OTUD7B: variants seen among roughly 807,000 people sequenced by gnomAD.
OTUD7B encodes OTU deubiquitinase 7B.
Under a neutral mutation model 82.2 loss-of-function variants are expected in OTUD7B, and 34 were observed. The ratio of observed to expected loss-of-function variants is 0.41; its 90% CI spans 0.31 to 0.55. The LOEUF (loss-of-function observed/expected upper bound fraction) is 0.55, where lower values mean the gene tolerates loss of function less well. OTUD7B is among the 20% of genes least tolerant of loss of function. OTUD7B has a pLI of 0.20. For missense variants in OTUD7B, 944 were observed against 1,062.1 expected (o/e 0.89, Z 1.55); for synonymous variants, 398 against 402.7 (o/e 0.99, Z 0.14).
At chr1:149,982,135 C>T (rs587726200) in intron 1 of OTUD7B, among the ~76,000 whole-genome samples, 2 of 151,534 alleles carry the variant, frequency 1.3e-5, no homozygotes, top group South Asian at 2.1e-4. Flanking sequence ...GGCGACAGAG[C>T]GAGACTCCAT....
At chr1:150,019,582 G>A in the OTUD7B span, among the ~76,000 whole-genome samples, 3 of 152,106 alleles carry the variant, frequency 2.0e-5, no homozygotes, top group Non-Finnish European at 4.4e-5. Flanking sequence ...GGCCAGGTTG[G>A]CCTCGAACTC....
At chr1:150,067,459 C>T in the OTUD7B span, 3 of 198,206 alleles carry the variant, frequency 1.5e-5, no homozygotes, top group Admixed American at 1.2e-4. Context: ...AGCCACACTC[C>T]GTCGTTCCTG....
At chr1:149,948,432 C>T (rs933503878) in intron 10 of OTUD7B, among the ~76,000 whole-genome samples, 14 of 144,914 alleles carry the variant, frequency 9.7e-5, no homozygotes, top group African/African-American at 3.6e-4. Context: ...AGTGCAGTGG[C>T]ACGATGTCGG....
intron 7 of OTUD7B, among the ~76,000 whole-genome samples, chr1:149,958,248 A>T (rs1172489968): frequency 6.6e-6 from 1 of 151,756 alleles, no homozygotes; most frequent in Non-Finnish European, 1.5e-5. Flanking sequence ...TTTTGAAGCA[A>T]ATCCTGGACA....
the OTUD7B span, among the ~76,000 whole-genome samples, chr1:150,059,514 C>A: frequency 1.3e-3 from 193 of 152,006 alleles, 2 homozygotes; most frequent in Non-Finnish European, 1.7e-3. Context: ...GGATTACAGG[C>A]ATGCGCCATC....
the OTUD7B span, among the ~76,000 whole-genome samples, chr1:150,065,568 C>G: frequency 6.6e-6 from 1 of 152,060 alleles, no homozygotes; most frequent in African/African-American, 2.4e-5. Flanking sequence ...TACTTATACC[C>G]TAAATTAAAA....
intron 8 of OTUD7B, 39 bp from the exon 9 acceptor site, chr1:149,949,817 T>C: frequency 6.3e-7 from 1 of 1,593,112 alleles, no homozygotes; most frequent in Non-Finnish European, 8.6e-7. Flanking sequence ...AGGCTGTGTT[T>C]CTGCCTAGTG....
intron 1 of OTUD7B, among the ~76,000 whole-genome samples, chr1:149,984,312 G>T (rs79941589): frequency 0.047 from 7,095 of 152,228 alleles, 213 homozygotes; most frequent in Non-Finnish European, 0.072. Flanking sequence ...TTTGTTGGCG[G>T]TTACTCTCCT....
At position 149,944,416 on chromosome 1, in the gene OTUD7B, C is replaced by T; in HGVS notation, c.1973G>A (p.Gly658Glu). The stretch of plus-strand genomic sequence containing the variant: ...CTTTTTGGCTGGAGGAGGGCCACCC[C>T]CTATTCCTCCATTCATGATCTTCCT... ...AERKIMNGGI[G>E]GGPPPAKKPE... Residue 658 changes from glycine to glutamate, a missense_variant, in exon 12 of 12, where the codon GGG becomes GAG. Around this residue, in one of 3 missense-constraint regions of OTUD7B, gnomAD observed 412 missense variants for 418.7 expected, o/e 0.98. Transcript: ENST00000581312. 1 of 1,614,108 alleles carries T rather than the reference C, an allele frequency of 6.2e-7. No individual in the cohort carries two copies. Among genetic ancestry groups the T allele is most frequent in the Non-Finnish European group, 8.5e-7 (1 of 1,180,008 alleles).
chr1:149,972,468 A>T (rs1650006229), intron 2 of OTUD7B, among the ~76,000 whole-genome samples: 3 of 152,100 alleles, frequency 2.0e-5, no homozygotes, highest in Admixed American at 2.0e-4. Flanking sequence ...CCACACAGAC[A>T]ACTCCTCATT....
chr1:149,978,328 G>A (rs1389344395), intron 1 of OTUD7B, among the ~76,000 whole-genome samples: 5 of 152,086 alleles, frequency 3.3e-5, no homozygotes, highest in Admixed American at 6.5e-5. Context: ...CCAACATGGC[G>A]AAACCCTGTT....
At chr1:150,003,249 CAAAAAAAAA>C (rs11297514) in intron 1 of OTUD7B, among the ~76,000 whole-genome samples, 1 of 117,806 alleles carries the variant, frequency 8.5e-6, no homozygotes, top group African/African-American at 3.4e-5. Flanking sequence ...GACTCTGTCT[CAAAAAAAAA>C]AAAAAAAAGA....
chr1:149,995,347 A>G (rs1347795135), intron 1 of OTUD7B, among the ~76,000 whole-genome samples: 1 of 152,126 alleles, frequency 6.6e-6, no homozygotes, highest in African/African-American at 2.4e-5. Context: ...TGGAAGGCTG[A>G]GCAGGTGGAT....
At chr1:150,042,696 C>T in the OTUD7B span, among the ~76,000 whole-genome samples, 58 of 152,070 alleles carry the variant, frequency 3.8e-4, no homozygotes, top group Non-Finnish European at 7.9e-4. Context: ...TCATTTTACA[C>T]ATTTGTCTTT....
the OTUD7B span, among the ~76,000 whole-genome samples, chr1:150,028,722 G>A: frequency 6.6e-6 from 1 of 152,202 alleles, no homozygotes; most frequent in South Asian, 2.1e-4. Context: ...CCAGGCTGGA[G>A]TGCAATGGCA....
chr1:150,017,219 G>A, the OTUD7B span, among the ~76,000 whole-genome samples: 6 of 152,178 alleles, frequency 3.9e-5, no homozygotes, highest in African/African-American at 1.4e-4. Context: ...GAACTCCTAA[G>A]AAGAAAATCC....
chr1:149,984,907 G>A (rs1391410596), intron 1 of OTUD7B, among the ~76,000 whole-genome samples: 1 of 151,974 alleles, frequency 6.6e-6, no homozygotes, highest in Non-Finnish European at 1.5e-5. Context: ...CCTTCCACAG[G>A]CTACAGCTCT....
the OTUD7B span, chr1:150,053,865 T>C: frequency 1.2e-5 from 4 of 325,748 alleles, no homozygotes; most frequent in Non-Finnish European, 2.2e-5. Context: ...TCTTACAAGA[T>C]GGAGGGTGAA....
At chr1:150,016,262 A>G in the OTUD7B span, among the ~76,000 whole-genome samples, 1 of 152,278 alleles carries the variant, frequency 6.6e-6, no homozygotes, top group East Asian at 1.9e-4. Context: ...GATAAACTGA[A>G]AATTCCTTAA....
Sources: allele counts gnomAD v4.1 joint callset (sites outside exome capture counted in the v4.1 genomes callset), GRCh38; gene constraint gnomAD v4.1.1; regional missense constraint gnomAD v4.1.1; transcripts MANE v1.5; gene names NCBI Gene and HGNC (gene_info 2026-07-23, HGNC 2026-07-21).